RBFOX3: variants seen among roughly 807,000 people sequenced by gnomAD.
RBFOX3 encodes RNA binding fox-1 homolog 3.
RBFOX3 carries 17 observed loss-of-function variants against 48.7 expected under a neutral mutation model. That is an observed-to-expected ratio of 0.35 (90% CI 0.24 to 0.52). The LOEUF (loss-of-function observed/expected upper bound fraction) is 0.52. RBFOX3 is among the 20% of genes least tolerant of loss of function. The pLI is 0.94. For missense variants in RBFOX3, 382 were observed against 497.5 expected (o/e 0.77, Z 2.21); for synonymous variants, 212 against 209.5 (o/e 1.01, Z -0.10).
chr17:79,290,742 T>G (rs2073091935), intron 3 of RBFOX3, among the ~76,000 whole-genome samples: 1 of 152,170 alleles, frequency 6.6e-6, no homozygotes, highest in Admixed American at 6.5e-5. Context: ...CATAGTTACA[T>G]ACATCTCATC....
At chr17:79,344,847 C>T (rs569361265) in intron 2 of RBFOX3, among the ~76,000 whole-genome samples, 30 of 152,292 alleles carry the variant, frequency 2.0e-4, no homozygotes, top group African/African-American at 5.5e-4. Flanking sequence ...TGAGCCACCA[C>T]GCCCGGCCAT....
chr17:79,238,788 G>T (rs2061954800), intron 3 of RBFOX3, among the ~76,000 whole-genome samples: 1 of 152,140 alleles, frequency 6.6e-6, no homozygotes, highest in African/African-American at 2.4e-5. Flanking sequence ...TGTGAACCCG[G>T]GGTTGCAGTG....
At chr17:79,407,598 G>A (rs944609321) in intron 2 of RBFOX3, among the ~76,000 whole-genome samples, 6 of 152,324 alleles carry the variant, frequency 3.9e-5, no homozygotes, top group South Asian at 2.1e-4. Flanking sequence ...ATGAGGCTCC[G>A]CATTTGGCTT....
rs114357027 is a variant in RBFOX3, at chr17:79,172,930, C to T, written c.-33-57182G>A. 8.7e-3 allele frequency among the ~76,000 whole-genome samples: 1,331 copies of T among 152,296 alleles called. 31 individuals are homozygous for T. The highest frequency in any genetic ancestry group is 0.03 in the African/African-American group (1,232 of 41,562). On this transcript the variant is annotated intron_variant, in intron 4 of 14. Transcript: ENST00000693108. The stretch of plus-strand genomic sequence containing the variant: ...TCACCTTTTAAAAATGGCTACCAGA[C>T]GGGTGAGGTGGCTCATGCCCGTAAT...
At chr17:79,488,534 A>G (rs1338037844) in intron 1 of RBFOX3, among the ~76,000 whole-genome samples, 1 of 152,216 alleles carries the variant, frequency 6.6e-6, no homozygotes, top group East Asian at 1.9e-4. Context: ...ATTCCAGGCC[A>G]TGGCAAGGGA....
At chr17:79,491,466 C>T (rs2080640638) in intron 1 of RBFOX3, among the ~76,000 whole-genome samples, 1 of 151,924 alleles carries the variant, frequency 6.6e-6, no homozygotes, top group Non-Finnish European at 1.5e-5. Flanking sequence ...AGGCAGGAAT[C>T]TCAGTAGGGA....
At position 79,610,948 on chromosome 17, in the gene RBFOX3, G is replaced by A. The variant is rs1179575711; in HGVS notation, c.-442C>T. On this transcript the variant is annotated 5_prime_UTR_variant, in exon 1 of 15. Transcript: ENST00000693108. ...AGGCACCGGCGAGCCAGCGGCAAGG[G>A]GCGCGCGAGGCCGGGCTCGGGCGGC... Among the ~76,000 whole-genome samples, 4 of 151,266 alleles carry A rather than the reference G, an allele frequency of 2.6e-5. No individual in the cohort carries two copies. The highest frequency in any genetic ancestry group is 9.7e-5 in the African/African-American group (4 of 41,340).
chr17:79,661,488 G>T, the RBFOX3 span, among the ~76,000 whole-genome samples: 82 of 152,178 alleles, frequency 5.4e-4, 1 homozygote, highest in African/African-American at 1.9e-3. Context: ...CAATTTATTT[G>T]GCCACACTAC....
At chr17:79,261,548 C>T (rs1049264767) in intron 3 of RBFOX3, among the ~76,000 whole-genome samples, 1 of 152,206 alleles carries the variant, frequency 6.6e-6, no homozygotes, top group Non-Finnish European at 1.5e-5. Flanking sequence ...CTCCCCGGCA[C>T]AGGATTCCCT....
At chr17:79,652,692 C>T in the RBFOX3 span, among the ~76,000 whole-genome samples, 3 of 149,500 alleles carry the variant, frequency 2.0e-5, no homozygotes, top group African/African-American at 5.0e-5. Flanking sequence ...AATGTACAGT[C>T]GGTTTTTGTT....
Position 79,104,144 on chromosome 17 carries a change from A to G in RBFOX3, c.361-18T>C, listed in dbSNP as rs776028571. On this transcript the variant is annotated intron_variant, in intron 6 of 14. Coordinates refer to ENST00000693108, the MANE Select transcript of RBFOX3 (RefSeq NM_001350451.2). ...CCGAATTGCTGCAGAGACAGAGACA[A>G]AGAGGGAGTGGGGCAGACAGGAAAG... is the stretch of plus-strand genomic sequence containing the variant. 1.3e-6 allele frequency: 2 copies of G among 1,549,168 alleles called. No individual in the cohort carries two copies. Among genetic ancestry groups the G allele is most frequent in the South Asian group, 1.2e-5 (1 of 84,032 alleles).
chr17:79,366,891 C>G (rs531685130), intron 2 of RBFOX3, among the ~76,000 whole-genome samples: 2 of 152,322 alleles, frequency 1.3e-5, no homozygotes, highest in Admixed American at 1.3e-4. Context: ...CAGCTGAGTC[C>G]CTCCCAGAGT....
At chr17:79,648,233 C>T in the RBFOX3 span, among the ~76,000 whole-genome samples, 268 of 152,260 alleles carry the variant, frequency 1.8e-3, 8 homozygotes, top group East Asian at 0.04. Context: ...GAGCTCTGCT[C>T]ATGGCCAGCA....
In RBFOX3 at chr17:79,309,999, C is replaced by A. The variant is rs374523212; in HGVS notation, c.-174-2175G>T. Among the ~76,000 whole-genome samples the A allele has an allele frequency of 4.1e-4, 62 of 152,304 alleles. 1 individual carries two copies. In the East Asian group the frequency reaches 0.01, roughly 25 times the overall value. ...CATCATTGTCTTCATTTGTGCACAA[C>A]GCCCTAAAACGGAAGTTTCCCGAGG... is the stretch of plus-strand genomic sequence containing the variant. On this transcript the variant is annotated intron_variant, in intron 2 of 14. Transcript: ENST00000693108.
Position 79,279,328 on chromosome 17 carries a change from G to T in RBFOX3, c.-74+28396C>A, listed in dbSNP as rs534610743. ...ATATTTATACTGACAGGGTCCCACA[G>T]CACCCAGGACATTCCCTCCTCCAGT... On this transcript the variant is annotated intron_variant, in intron 3 of 14. Coordinates refer to ENST00000693108, the MANE Select transcript of RBFOX3 (RefSeq NM_001350451.2). Among the ~76,000 whole-genome samples, 9 of 152,292 alleles carry T rather than the reference G, an allele frequency of 5.9e-5. No individual in the cohort carries two copies. The South Asian group carries it at 1.9e-3, about 32-fold the overall frequency.
rs1000793779 is a variant in RBFOX3 at position 79,513,712 on chromosome 17, G to A, written c.-319-31114C>T. On this transcript the variant is annotated intron_variant, in intron 1 of 14. Coordinates refer to ENST00000693108, the MANE Select transcript of RBFOX3 (RefSeq NM_001350451.2). ...TGTCCTCCACTCCACAGTGGGAGCC[G>A]CACAAGCTTGCCTACCAGAAAGAAC... is the stretch of plus-strand genomic sequence containing the variant. 3.3e-4 allele frequency among the ~76,000 whole-genome samples: 50 copies of A among 152,306 alleles called. No individual in the cohort carries two copies. The East Asian group carries it at 5.2e-3, about 16-fold the overall frequency.
At chr17:79,625,169 T>C in the RBFOX3 span, among the ~76,000 whole-genome samples, 2 of 152,058 alleles carry the variant, frequency 1.3e-5, no homozygotes, top group African/African-American at 4.8e-5. Flanking sequence ...TCCCTCTCCC[T>C]GTATTCCCCA....
intron 1 of RBFOX3, among the ~76,000 whole-genome samples, chr17:79,489,716 A>C (rs915100905): frequency 5.8e-4 from 89 of 152,296 alleles, no homozygotes; most frequent in African/African-American, 1.9e-3. Flanking sequence ...GCAGTTCCTC[A>C]AGGCACTGTT....
chr17:79,568,071 C>A (rs2144447566), intron 1 of RBFOX3, among the ~76,000 whole-genome samples: 1 of 152,302 alleles, frequency 6.6e-6, no homozygotes, highest in South Asian at 2.1e-4. Context: ...GCGCTGGGTA[C>A]TTCTTATCTT....
Sources: gnomAD v4.1 joint callset for allele counts (sites outside exome capture counted in the v4.1 genomes callset) on GRCh38, gnomAD v4.1.1 for gene constraint, MANE v1.5 for transcripts, NCBI Gene and HGNC (gene_info 2026-07-23, HGNC 2026-07-21) for gene names.